CCN5: variants seen among roughly 807,000 people sequenced by gnomAD.
The protein encoded by CCN5 is CCN family member 5.
In CCN5, 17 loss-of-function variants were observed where a neutral mutation model predicts 18.7. The observed-to-expected ratio is 0.91, with a 90% CI of 0.62 to 1.36. CCN5 has a LOEUF of 1.36. Among genes scored for constraint, CCN5 ranks in the 40% most tolerant of loss-of-function variants. The pLI is 0.00. For synonymous variants in CCN5, 135 were observed against 145.2 expected, an observed-to-expected ratio of 0.93 and a Z score of 0.50; for missense variants, 367 against 342.9, an observed-to-expected ratio of 1.07 and a Z score of -0.56.
At position 44,723,853 on chromosome 20, in the gene CCN5, A is replaced by C. The variant is rs1418980662; in HGVS notation, c.278-885A>C. 2.6e-5 allele frequency: 4 copies of C among 152,256 alleles called. No individual in the cohort carries two copies. The East Asian group carries it at 7.7e-4, about 29-fold the overall frequency. The allele number at this position is 152,256 out of a possible 1,614,324, so 9.4% of individuals were successfully genotyped here. On this transcript the variant is annotated intron_variant, in intron 2 of 3. Transcript: ENST00000190983. ...TGATAAGGAGTAGGGCTATTTTATC[A>C]GGGTCTCTCATGTGCCAAGGCTTAT...
At chr20:44,716,499 G>A (rs1164420672) in intron 1 of CCN5, 1 of 152,362 alleles carries the variant, frequency 6.6e-6, no homozygotes, top group Non-Finnish European at 1.5e-5. Context: ...GGTAGGGCAT[G>A]ATGCCAGTGT....
intron 2 of CCN5, among the ~76,000 whole-genome samples, chr20:44,722,003 A>G (rs537734378): frequency 3.3e-5 from 5 of 152,350 alleles, no homozygotes; most frequent in African/African-American, 1.2e-4. Flanking sequence ...TAACTGTATT[A>G]AGGGATTTTT....
Position 44,724,848 on chromosome 20 carries a change from T to G in CCN5, c.388T>G (p.Cys130Gly), listed in dbSNP as rs750634848. 1.3e-6 allele frequency: 2 copies of G among 1,598,630 alleles called. No homozygotes were observed. The highest frequency in any genetic ancestry group is 8.5e-7 in the Non-Finnish European group (1 of 1,173,662). Residue 130 changes from cysteine to glycine, a missense_variant, in exon 3 of 4, where the codon TGC becomes GGC. By Grantham distance (159) the Cys-to-Gly change is radical. Coordinates refer to ENST00000190983, the MANE Select transcript of CCN5 (RefSeq NM_003881.4). ...RCRCEDGGFT[C>G]VPLCSEDVRL... is the part of the protein sequence containing the mutation. ...CCGCTGCGAGGACGGCGGCTTCACC[T>G]GCGTGCCGCTGTGCAGCGAGGATGT...
At chr20:44,724,529 C>T (rs1363030506) in intron 2 of CCN5, 1 of 695,048 alleles carries the variant, frequency 1.4e-6, no homozygotes, top group Non-Finnish European at 2.3e-6. Flanking sequence ...CAATCCAGGC[C>T]TGTCTTCTTG....
chr20:44,722,970 T>C (rs1310168718), intron 2 of CCN5, among the ~76,000 whole-genome samples: 3 of 152,118 alleles, frequency 2.0e-5, no homozygotes, highest in Non-Finnish European at 2.9e-5. Context: ...AGAGAGCTCC[T>C]GGGAAGTCAT....
rs780355679 is a variant in CCN5, at chr20:44,727,256, C to T, written c.702C>T (p.Ser234=). Residue 234 remains serine, a synonymous_variant, in exon 4 of 4, where the codon TCC becomes TCT. Transcript: ENST00000190983. The part of the protein sequence containing the change: ...RLETQRRLCL[S]RPCPPSRGRS... Reference sequence around the variant, plus strand: ...AGACCCAGCGCCGCCTGTGCCTGTCCAGGCCCTGCCCACCCTCCAGGGGTC... The same window carrying T: ...AGACCCAGCGCCGCCTGTGCCTGTCTAGGCCCTGCCCACCCTCCAGGGGTC... The T allele has an allele frequency of 1.7e-5, 27 of 1,613,618 alleles. No individual in the cohort carries two copies. Among genetic ancestry groups the T allele is most frequent in the Non-Finnish European group, 2.2e-5 (26 of 1,180,012 alleles).
chr20:44,722,465 CTTTTT>C (rs11341536), intron 2 of CCN5, among the ~76,000 whole-genome samples: 3 of 106,758 alleles, frequency 2.8e-5, no homozygotes, highest in Non-Finnish European at 3.8e-5. Context: ...ATCTCTCTCT[CTTTTT>C]TTTTTTTTTT....
In CCN5 at chr20:44,724,960, G is replaced by A. The variant is rs13339902; in HGVS notation, c.500G>A (p.Gly167Glu). Residue 167 changes from glycine to glutamate, a missense_variant, in exon 3 of 4, where the codon GGG (glycine) becomes GAG (glutamate). Transcript: ENST00000190983. ...CCPEWVCGQG[G>E]GLGTQPLPAQ... is the part of the protein sequence containing the mutation. ...CCTGAGTGGGTGTGCGGCCAAGGAG[G>A]GGGACTGGGGACCCAGCCCCTTCCA... The A allele has an allele frequency of 4.6e-3, 7,403 of 1,594,124 alleles. 329 individuals carry two copies. The African/African-American group carries it at 0.088, about 19-fold the overall frequency.
At chr20:44,720,963 ACAGT>A (rs1336481525) in intron 2 of CCN5, 2 of 152,216 alleles carry the variant, frequency 1.3e-5, no homozygotes, top group African/African-American at 4.8e-5. Flanking sequence ...CCAAGTCATG[ACAGT>A]CTGTCTTCAG....
chr20:44,715,190 G>T, upstream of CCN5: 1 of 600,828 alleles, frequency 1.7e-6, no homozygotes, highest in Non-Finnish European at 3.0e-6. Context: ...TGAGCCATGA[G>T]GATGGGAAGC....
intron 3 of CCN5, among the ~76,000 whole-genome samples, chr20:44,726,334 G>A (rs2065935899): frequency 6.6e-6 from 1 of 152,088 alleles, no homozygotes; most frequent in South Asian, 2.1e-4. Flanking sequence ...CCCTATGCAC[G>A]TATACAGGTA....
At position 44,727,147 on chromosome 20, in the gene CCN5, G is replaced by A. The variant is rs1251162169; in HGVS notation, c.593G>A (p.Ser198Asn). 2 of 1,613,166 alleles carry A rather than the reference G, an allele frequency of 1.2e-6. No homozygotes were observed. Among genetic ancestry groups the A allele is most frequent in the Middle Eastern group, 1.7e-4 (1 of 6,050 alleles). Residue 198 changes from serine (S) to asparagine (N), a missense_variant, in exon 4 of 4, where the codon AGC becomes AAC. Ser to Asn is a conservative substitution (Grantham distance 46, BLOSUM62 1). Coordinates refer to ENST00000190983, the MANE Select transcript of CCN5 (RefSeq NM_003881.4). Reference protein sequence around the residue: ...LPPGVPCPEWSTAWGPCSTTC... With the variant: ...LPPGVPCPEWNTAWGPCSTTC... ...CCTGGTGTCCCCTGCCCAGAATGGA[G>A]CACGGCCTGGGGACCCTGCTCGACC...
chr20:44,719,137 A>AGAGGGCTGG (rs2065879945), intron 1 of CCN5, among the ~76,000 whole-genome samples: 2 of 152,178 alleles, frequency 1.3e-5, no homozygotes, highest in South Asian at 4.2e-4. Flanking sequence ...GTAAGCTCCC[A>AGAGGGCTGG]GAGGGCTGGG....
intron 2 of CCN5, chr20:44,723,586 C>T (rs2065914561): frequency 6.6e-6 from 1 of 152,136 alleles, no homozygotes; most frequent in Non-Finnish European, 1.5e-5. Context: ...GCTAATGAGT[C>T]CTTTCCCCAG....
chr20:44,723,648 A>G (rs181103698), intron 2 of CCN5: 1 of 152,234 alleles, frequency 6.6e-6, no homozygotes, highest in Non-Finnish European at 1.5e-5. Context: ...TCCCGTCTGC[A>G]CTTCCTGAGC....
intron 3 of CCN5, 77 bp from the exon 4 acceptor site, chr20:44,727,010 G>A (rs1484642694): frequency 1.1e-4 from 160 of 1,396,032 alleles, no homozygotes; most frequent in African/African-American, 5.8e-5. Context: ...CAAGATTGCC[G>A]TGGCCGCTGG....
Position 44,727,208 on chromosome 20 carries a change from C to A in CCN5, c.654C>A (p.Asn218Lys). ...CGLGMATRVS[N>K]QNRFCRLETQ... is the part of the protein sequence containing the mutation. ...TGGGCATGGCCACCCGGGTGTCCAA[C>A]CAGAACCGCTTCTGCCGACTGGAGA... The change falls in exon 4 of 4, where the codon AAC (asparagine) becomes AAA (lysine). Residue 218 changes from asparagine to lysine, a missense_variant. Transcript: ENST00000190983. The A allele has an allele frequency of 6.2e-7, 1 of 1,613,848 alleles. No homozygotes were observed. The highest frequency in any genetic ancestry group is 8.5e-7 in the Non-Finnish European group (1 of 1,180,036).
chr20:44,725,371 G>A (rs544264541), intron 3 of CCN5, among the ~76,000 whole-genome samples: 1 of 151,990 alleles, frequency 6.6e-6, no homozygotes, highest in East Asian at 1.9e-4. Context: ...CCGGGAGGCA[G>A]AGGTTGCAGT....
intron 1 of CCN5, among the ~76,000 whole-genome samples, chr20:44,719,610 G>T (rs145816693): frequency 6.6e-6 from 1 of 152,116 alleles, no homozygotes; most frequent in Admixed American, 6.5e-5. Flanking sequence ...GGCTGGGATC[G>T]CGCCACTGCA....
Sources: allele counts gnomAD v4.1 joint callset (sites outside exome capture counted in the v4.1 genomes callset), GRCh38; gene constraint gnomAD v4.1.1; transcripts MANE v1.5; gene names NCBI Gene and HGNC (gene_info 2026-07-23, HGNC 2026-07-21).